ALG6: variants seen among roughly 807,000 people sequenced by gnomAD.
The protein encoded by ALG6 is ALG6 alpha-1,3-glucosyltransferase, also known as dolichyl pyrophosphate Man9GlcNAc2 alpha-1,3-glucosyltransferase.
In ALG6, 46 loss-of-function variants were observed where a neutral mutation model predicts 66.6. The ratio of observed to expected loss-of-function variants is 0.69; its 90% confidence interval spans 0.55 to 0.88. The LOEUF (loss-of-function observed/expected upper bound fraction) is 0.88. ALG6 is among the 40% of genes least tolerant of loss of function. The pLI is 0.00. For missense variants in ALG6, 505 were observed against 586.8 expected, an observed-to-expected ratio of 0.86 and a Z score of 1.44; for synonymous variants, 185 against 203.7, an observed-to-expected ratio of 0.91 and a Z score of 0.78.
intron 12 of ALG6, among the ~76,000 whole-genome samples, chr1:63,425,013 C>G (rs937884206): frequency 6.6e-6 from 1 of 152,038 alleles, no homozygotes; most frequent in Non-Finnish European, 1.5e-5. Context: ...CTCCTGACCT[C>G]AAGTGATCTG....
rs1648831508 is a variant in ALG6, at chr1:63,396,539, G to A, written c.109G>A (p.Asp37Asn). 2 of 1,614,078 alleles carry A rather than the reference G, an allele frequency of 1.2e-6. No individual in the cohort carries two copies. Among genetic ancestry groups the A allele is most frequent in the Non-Finnish European group, 1.7e-6 (2 of 1,180,000 alleles). Residue 37 changes from aspartate to asparagine, a missense_variant, in exon 3 of 15, where the codon GAT becomes AAT. By Grantham distance (23) the Asp-to-Asn change is conservative. Transcript: ENST00000263440. ...TGCTGGTAAACCGCCTATGTTTGGTGATTATGAAGCTCAGAGACACTGGCA... is the reference window on the plus strand; with the variant it reads ...TGCTGGTAAACCGCCTATGTTTGGTAATTATGAAGCTCAGAGACACTGGCA... ...SGAGKPPMFG[D>N]YEAQRHWQEI...
At chr1:63,407,853 A>G (rs1208288263) in intron 7 of ALG6, among the ~76,000 whole-genome samples, 1 of 152,136 alleles carries the variant, frequency 6.6e-6, no homozygotes, top group Admixed American at 6.6e-5. Context: ...AATAAAAGAT[A>G]TTCAAGTCTG....
chr1:63,378,988 A>G (rs1648219967), intron 2 of ALG6, among the ~76,000 whole-genome samples: 2 of 151,700 alleles, frequency 1.3e-5, no homozygotes, highest in African/African-American at 2.4e-5. Flanking sequence ...TTCCTTCAGC[A>G]TACTTTCAAG....
intron 12 of ALG6, among the ~76,000 whole-genome samples, chr1:63,421,522 G>A (rs1249932053): frequency 1.3e-5 from 2 of 151,946 alleles, no homozygotes; most frequent in East Asian, 3.9e-4. Context: ...CCCATTACTG[G>A]GTATATACTC....
At chr1:63,382,154 AT>A (rs1006083152) in intron 2 of ALG6, among the ~76,000 whole-genome samples, 20 of 149,406 alleles carry the variant, frequency 1.3e-4, no homozygotes, top group South Asian at 2.1e-4. Context: ...GTCACATGAG[AT>A]TTTTTTTTTA....
intron 2 of ALG6, among the ~76,000 whole-genome samples, chr1:63,395,637 G>A (rs1264121459): frequency 6.6e-6 from 1 of 152,218 alleles, no homozygotes; most frequent in African/African-American, 2.4e-5. Context: ...GGAGGTTGCA[G>A]TAAGCTGAGA....
intron 2 of ALG6, among the ~76,000 whole-genome samples, chr1:63,375,410 ATTTTT>A (rs766565038): frequency 2.6e-5 from 2 of 77,068 alleles, no homozygotes; most frequent in African/African-American, 1.0e-4. Context: ...CACCCCCGGC[ATTTTT>A]TTTTTTTTTT....
At chr1:63,429,176 T>C in intron 14 of ALG6, 50 bp downstream of exon 14, 2 of 1,335,536 alleles carry the variant, frequency 1.5e-6, no homozygotes, top group Non-Finnish European at 2.1e-6. Context: ...GTCACTATTT[T>C]AAAAAATTAT....
At chr1:63,415,281 A>G (rs981066421) in intron 10 of ALG6, among the ~76,000 whole-genome samples, 2 of 152,174 alleles carry the variant, frequency 1.3e-5, no homozygotes, top group Admixed American at 1.3e-4. Context: ...CCATAGTACT[A>G]AATGGTTCCA....
At chr1:63,400,993 C>T (rs1644462461) in intron 3 of ALG6, among the ~76,000 whole-genome samples, 2 of 151,062 alleles carry the variant, frequency 1.3e-5, no homozygotes, top group African/African-American at 4.8e-5. Context: ...TTGCCTGGCC[C>T]GGTTTCCCAG....
At chr1:63,414,702 G>A (rs909173606) in intron 10 of ALG6, among the ~76,000 whole-genome samples, 5 of 152,214 alleles carry the variant, frequency 3.3e-5, no homozygotes, top group Non-Finnish European at 5.9e-5. Context: ...TTAATATTAT[G>A]TTGAAGAGTC....
Position 63,436,819 on chromosome 1 carries a change from G to A in ALG6, c.1327-4G>A, listed in dbSNP as rs1395718435. 6.8e-6 allele frequency: 11 copies of A among 1,611,914 alleles called. No homozygotes were observed. Among genetic ancestry groups the A allele is most frequent in the Non-Finnish European group, 1.7e-6 (2 of 1,179,080 alleles). ...CTACTCAGTAATCCTTTTTTTCCTTGCAGTTTCTTATCTCAGTCATCACTA... is the reference window on the plus strand; with the variant it reads ...CTACTCAGTAATCCTTTTTTTCCTTACAGTTTCTTATCTCAGTCATCACTA... On this transcript the variant is annotated splice_polypyrimidine_tract_variant and splice_region_variant and intron_variant, in intron 14 of 14. Coordinates refer to ENST00000263440, the MANE Select transcript of ALG6 (RefSeq NM_013339.4).
At chr1:63,385,632 A>G (rs1455852567) in intron 2 of ALG6, among the ~76,000 whole-genome samples, 1 of 152,184 alleles carries the variant, frequency 6.6e-6, no homozygotes, top group African/African-American at 2.4e-5. Flanking sequence ...CACCATTGGC[A>G]TACAGAAGTA....
At chr1:63,422,401 CTATA>C (rs1198983703) in intron 12 of ALG6, among the ~76,000 whole-genome samples, 1 of 57,408 alleles carries the variant, frequency 1.7e-5, no homozygotes, top group Non-Finnish European at 3.1e-5. Context: ...AAATATATAT[CTATA>C]TAAATATAAA....
chr1:63,394,324 A>G (rs1648756541), intron 2 of ALG6, among the ~76,000 whole-genome samples: 1 of 152,194 alleles, frequency 6.6e-6, no homozygotes, highest in Admixed American at 6.5e-5. Flanking sequence ...TTAGTTAAAT[A>G]GTGAGTGGGT....
In ALG6 at chr1:63,438,054, T is replaced by C. The variant is rs1215526672; in HGVS notation, c.*1034T>C. 6.6e-6 allele frequency: 1 copy of C among 152,154 alleles called. No homozygotes were observed. Among genetic ancestry groups the C allele is most frequent in the Non-Finnish European group, 1.5e-5 (1 of 68,036 alleles). 9.4% of individuals were successfully genotyped at this position (152,154 alleles called of 1,614,324 possible). On this transcript the variant is annotated 3_prime_UTR_variant, in exon 15 of 15. Transcript: ENST00000263440. The stretch of plus-strand genomic sequence containing the variant: ...TCCCATCAACATTTTTTAAGGAATA[T>C]ATTTCTTCTTTCATAAGATAGCCAT...
chr1:63,377,716 A>G (rs1648179264), intron 2 of ALG6, among the ~76,000 whole-genome samples: 2 of 152,058 alleles, frequency 1.3e-5, no homozygotes, highest in Non-Finnish European at 2.9e-5. Context: ...TTGTACAGTT[A>G]ATATTGGTTT....
At chr1:63,432,073 T>G (rs932629526) in intron 14 of ALG6, among the ~76,000 whole-genome samples, 5 of 152,138 alleles carry the variant, frequency 3.3e-5, no homozygotes, top group Non-Finnish European at 7.4e-5. Flanking sequence ...CATCTTCTCT[T>G]TTACTTGATA....
At chr1:63,399,713 C>T (rs1644436173) in intron 3 of ALG6, among the ~76,000 whole-genome samples, 1 of 152,020 alleles carries the variant, frequency 6.6e-6, no homozygotes, top group Non-Finnish European at 1.5e-5. Context: ...AAATATGACT[C>T]TGTGGGTTGT....
Sources: allele counts gnomAD v4.1 joint callset (sites outside exome capture counted in the v4.1 genomes callset), GRCh38; gene constraint gnomAD v4.1.1; transcripts MANE v1.5; gene names NCBI Gene and HGNC (gene_info 2026-07-23, HGNC 2026-07-21).